The following LRRC9 variants were observed in gnomAD, a reference collection of about 807,000 sequenced individuals.
LRRC9 encodes leucine rich repeat containing 9.
In LRRC9, 122 loss-of-function variants were observed where a neutral mutation model predicts 63.2. The ratio of observed to expected loss-of-function variants is 1.93; its 90% confidence interval spans 1.67 to 2.24. The LOEUF is 2.24. Ranked by LOEUF, LRRC9 falls within the 30% of genes most tolerant of loss-of-function variation. The pLI is 0.00. For synonymous variants in LRRC9, 366 were observed against 213.1 expected, an observed-to-expected ratio of 1.72 and a Z score of -6.25; for missense variants, 1,071 against 627.7, an observed-to-expected ratio of 1.71 and a Z score of -7.55.
chr14:60,015,339 G>C (rs1201009420), intron 23 of LRRC9, among the ~76,000 whole-genome samples: 5 of 152,094 alleles, frequency 3.3e-5, no homozygotes, highest in Admixed American at 3.3e-4. Flanking sequence ...TTGGTTCTTG[G>C]CATAACATAC....
Position 59,938,914 on chromosome 14 carries a change from C to CAT in LRRC9, c.726+345_726+346dup, listed in dbSNP as rs35017815. Reference sequence around the variant, plus strand: ...ATACACATATATATACATATATACACATATGCATATATATACACATATATA... The same window carrying CAT: ...ATACACATATATATACATATATACACATATATGCATATATATACACATATATA... On this transcript the variant is annotated intron_variant, in intron 7 of 31. Transcript: ENST00000445360. The surrounding 1 kb of genome is among the most constrained non-coding windows in gnomAD (Gnocchi z 4.2). Among the ~76,000 whole-genome samples, 62,109 of 146,298 alleles carry CAT rather than the reference C, an allele frequency of 0.42. 13,814 individuals are homozygous for CAT. The highest frequency in any genetic ancestry group is 0.61 in the East Asian group (2,989 of 4,872).
At chr14:60,028,086 A>G (rs1211675992) in exon 28 of LRRC9, 1 of 695,248 alleles carries the variant, frequency 1.4e-6, no homozygotes, top group Non-Finnish European at 2.6e-6. Flanking sequence ...TCTTCCTAGG[A>G]TATAATAAAA....
At chr14:59,940,595 A>G (rs1350785746) in intron 7 of LRRC9, among the ~76,000 whole-genome samples, 1 of 152,132 alleles carries the variant, frequency 6.6e-6, no homozygotes, top group Admixed American at 6.6e-5. Context: ...GCCACTACTG[A>G]AGAGCTCAGT....
At chr14:60,048,980 C>T (rs1224493880) in intron 29 of LRRC9, among the ~76,000 whole-genome samples, 2 of 152,006 alleles carry the variant, frequency 1.3e-5, no homozygotes, top group African/African-American at 4.8e-5. Flanking sequence ...TGGTTCAACA[C>T]GTGCAAATCA....
intron 17 of LRRC9, among the ~76,000 whole-genome samples, chr14:59,996,668 A>C (rs936041864): frequency 1.3e-5 from 2 of 152,220 alleles, no homozygotes; most frequent in African/African-American, 4.8e-5. Flanking sequence ...AATTAAAATA[A>C]GGCAGGTGGA....
intron 29 of LRRC9, among the ~76,000 whole-genome samples, chr14:60,043,448 T>C (rs1427751329): frequency 6.6e-6 from 1 of 152,238 alleles, no homozygotes; most frequent in Non-Finnish European, 1.5e-5. Flanking sequence ...AGTTGGCCTT[T>C]ATTATCTTGA....
downstream of LRRC9, chr14:60,063,598 T>C (rs145702283): frequency 4.7e-5 from 20 of 427,118 alleles, no homozygotes; most frequent in East Asian, 6.9e-4. Flanking sequence ...AATTTCTATA[T>C]CATAAAAATC....
chr14:60,005,970 A>T (rs569626105), intron 21 of LRRC9, among the ~76,000 whole-genome samples: 1 of 152,256 alleles, frequency 6.6e-6, no homozygotes, highest in African/African-American at 2.4e-5. Context: ...TCATTTTAAT[A>T]CAAACGATGC....
chr14:60,060,306 ACT>A lies in LRRC9; in HGVS notation c.4276+2287_4276+2288del, dbSNP rs569783460. On this transcript the variant is annotated intron_variant, in intron 31 of 31. Coordinates refer to ENST00000445360, the Ensembl canonical transcript of LRRC9. The surrounding 1 kb of genome is among the most constrained non-coding windows in gnomAD (Gnocchi z 4.0). ...TGACAATGCACCTAGTCACCTAATA[ACT>A]CTGATGGAGAAGTACAAGGAGATGA... Among the ~76,000 whole-genome samples the A allele has an allele frequency of 1.3e-5, 2 of 152,168 alleles. No homozygotes were observed. Among genetic ancestry groups the A allele is most frequent in the African/African-American group, 4.8e-5 (2 of 41,494 alleles).
At chr14:60,021,583 T>C (rs1471322293) in intron 26 of LRRC9, among the ~76,000 whole-genome samples, 1 of 151,912 alleles carries the variant, frequency 6.6e-6, no homozygotes, top group Non-Finnish European at 1.5e-5. Flanking sequence ...AAAGATGTTC[T>C]CTTGTTTTCT....
Position 59,986,532 on chromosome 14 carries a change from C to G in LRRC9, c.2211+1308C>G, listed in dbSNP as rs1400565082. Among the ~76,000 whole-genome samples the G allele has an allele frequency of 6.6e-6, 1 of 152,170 alleles. No homozygotes were observed. Among genetic ancestry groups the G allele is most frequent in the Non-Finnish European group, 1.5e-5 (1 of 68,006 alleles). ...TCCCTGAGAGTCTGGATTCAGTATG[C>G]AACTGAGGGAAAAAGGTATTTTAGA... On this transcript the variant is annotated intron_variant, in intron 17 of 31. Transcript: ENST00000445360. The surrounding 1 kb of genome is among the most constrained non-coding windows in gnomAD (Gnocchi z 4.7).
chr14:60,057,666 A>AG (rs1321367734), intron 30 of LRRC9: 2 of 351,914 alleles, frequency 5.7e-6, no homozygotes, highest in African/African-American at 4.2e-5. Context: ...AAAAAAAAAA[A>AG]AAAGAACACA....
exon 16 of LRRC9, chr14:59,982,018 A>G (rs897735965): frequency 4.0e-5 from 28 of 702,360 alleles, no homozygotes; most frequent in Non-Finnish European, 6.2e-5. Context: ...ATGATAAAAC[A>G]ATACTTTCCC....
chr14:60,032,355 G>A (rs367583963), intron 29 of LRRC9, among the ~76,000 whole-genome samples: 4 of 152,160 alleles, frequency 2.6e-5, no homozygotes, highest in African/African-American at 7.2e-5. Flanking sequence ...AAGCCTTGAT[G>A]TCTGGTAGAA....
At chr14:60,025,549 G>T (rs1213146679) in intron 27 of LRRC9, among the ~76,000 whole-genome samples, 1 of 152,034 alleles carries the variant, frequency 6.6e-6, no homozygotes, top group Non-Finnish European at 1.5e-5. Context: ...TATTCAGGAA[G>T]TGAGGCAGTT....
intron 1 of LRRC9, among the ~76,000 whole-genome samples, chr14:59,920,882 A>G (rs1888714297): frequency 6.6e-6 from 1 of 152,180 alleles, no homozygotes; most frequent in Non-Finnish European, 1.5e-5. Context: ...AACAACTAGC[A>G]TGTGCCAGAC....
intron 17 of LRRC9, among the ~76,000 whole-genome samples, chr14:59,992,510 A>G (rs1888262469): frequency 6.6e-6 from 1 of 152,166 alleles, no homozygotes; most frequent in Non-Finnish European, 1.5e-5. Flanking sequence ...CAAACTACTC[A>G]GAGCTAAAGG....
chr14:60,042,176 C>T lies in LRRC9; in HGVS notation c.3990+10113C>T, dbSNP rs1893007579. ...TCAGCCCCTACTGGGACGTGCCTCCCAGTTAGGCTACTTGGGGGTCAGGGA... is the reference window on the plus strand; with the variant it reads ...TCAGCCCCTACTGGGACGTGCCTCCTAGTTAGGCTACTTGGGGGTCAGGGA... On this transcript the variant is annotated intron_variant, in intron 29 of 31. Transcript: ENST00000445360. The surrounding 1 kb of genome is among the most constrained non-coding windows in gnomAD (Gnocchi z 4.2). Among the ~76,000 whole-genome samples, 1 of 152,226 alleles carries T rather than the reference C, an allele frequency of 6.6e-6. No individual in the cohort carries two copies. Among genetic ancestry groups the T allele is most frequent in the Admixed American group, 6.5e-5 (1 of 15,274 alleles).
chr14:60,055,811 G>A (rs1894238808), intron 30 of LRRC9, among the ~76,000 whole-genome samples: 1 of 151,854 alleles, frequency 6.6e-6, no homozygotes, highest in South Asian at 2.1e-4. Context: ...AGGCTAAGGT[G>A]GGAGAATCTC....
Sources: allele counts gnomAD v4.1 joint callset (sites outside exome capture counted in the v4.1 genomes callset), GRCh38; gene constraint gnomAD v4.1.1; non-coding constraint Gnocchi (gnomAD v3.1); transcripts MANE v1.5; gene names NCBI Gene and HGNC (gene_info 2026-07-23, HGNC 2026-07-21).